TXK: variants seen among roughly 807,000 people sequenced by gnomAD.
The protein encoded by TXK is TXK tyrosine kinase.
A neutral mutation model predicts 81.0 loss-of-function variants in TXK; 60 were observed. The ratio of observed to expected loss-of-function variants is 0.74; its 90% CI spans 0.60 to 0.92. The LOEUF is 0.92. Among genes scored for constraint, TXK ranks in the 40% least tolerant of loss-of-function variants. The pLI is 0.00. For missense variants in TXK, 581 were observed against 638.3 expected, an observed-to-expected ratio of 0.91 and a Z score of 0.97; for synonymous variants, 203 against 210.7, an observed-to-expected ratio of 0.96 and a Z score of 0.32.
At chr4:48,123,220 T>C (rs1374915026) in intron 1 of TXK, among the ~76,000 whole-genome samples, 2 of 152,202 alleles carry the variant, frequency 1.3e-5, no homozygotes, top group Non-Finnish European at 2.9e-5. Context: ...GAAAATCAAA[T>C]AGGTCTGTGA....
rs34518985 is a variant in TXK at position 48,095,163 on chromosome 4, G to A, written c.561C>T (p.Ser187=). The A allele has an allele frequency of 5.2e-4, 835 of 1,613,472 alleles. 7 individuals carry two copies. The African/African-American group carries it at 0.01, about 20-fold the overall frequency. The change falls in exon 7 of 15, where the codon TCC becomes TCT. Residue 187 remains serine, a synonymous_variant. Transcript: ENST00000264316. ...DSRHLGSYTI[S]VFMGARRSTE... The stretch of plus-strand genomic sequence containing the variant: ...CTTACCTTCTAGCTCCCATAAATAC[G>A]GAAATTGTGTAGGATCCTAAATGTC...
chr4:48,125,136 C>G (rs1719055441), intron 1 of TXK, among the ~76,000 whole-genome samples: 1 of 152,224 alleles, frequency 6.6e-6, no homozygotes, highest in Admixed American at 6.5e-5. Flanking sequence ...AACAGAGGAA[C>G]AGAGAGCTTC....
At chr4:48,104,781 G>T in intron 6 of TXK, 120 bp downstream of exon 6, 2 of 695,742 alleles carry the variant, frequency 2.9e-6, no homozygotes, top group African/African-American at 1.9e-5. Context: ...ATATATAGTT[G>T]GGATGTAATG....
chr4:48,105,770 C>G (rs1718436052), intron 5 of TXK, among the ~76,000 whole-genome samples: 1 of 152,160 alleles, frequency 6.6e-6, no homozygotes, highest in South Asian at 2.1e-4. Context: ...CCTCATCTCT[C>G]TCCTGAGTCT....
chr4:48,092,069 G>A (rs1717798164), intron 8 of TXK, among the ~76,000 whole-genome samples: 1 of 152,180 alleles, frequency 6.6e-6, no homozygotes, highest in African/African-American at 2.4e-5. Context: ...ACAAGGGGCT[G>A]GATGATGCTA....
chr4:48,119,896 C>G (rs1046342120), intron 1 of TXK, among the ~76,000 whole-genome samples: 1 of 152,086 alleles, frequency 6.6e-6, no homozygotes, highest in African/African-American at 2.4e-5. Flanking sequence ...ATTCAGGCCA[C>G]AGGATGCAAA....
rs887467241 is a variant in TXK, at chr4:48,066,813, C to T, written c.*824G>A. 6.6e-6 allele frequency: 1 copy of T among 152,154 alleles called. No homozygotes were observed. Among genetic ancestry groups the T allele is most frequent in the African/African-American group, 2.4e-5 (1 of 41,418 alleles). The allele number at this position is 152,154 out of a possible 1,614,324, so 9.4% of individuals were successfully genotyped here. On this transcript the variant is annotated 3_prime_UTR_variant, in exon 15 of 15. Transcript: ENST00000264316. ...CATTTGGCTATCTTGCTTTTGTCTC[C>T]TCTTCTGGAAAGAACAAATCATCTT...
rs146144489 is a variant in TXK, at chr4:48,084,287, T to A, written c.956+2179A>T. Among the ~76,000 whole-genome samples, 425 of 151,114 alleles carry A rather than the reference T, an allele frequency of 2.8e-3. 4 individuals are homozygous for A. Among genetic ancestry groups the A allele is most frequent in the African/African-American group, 1.0e-2 (410 of 41,146 alleles). The stretch of plus-strand genomic sequence containing the variant: ...TTGTTTTTTTTTTGTAGAGACAGGG[T>A]TTCGCCATGTTACCTAGGTTGGTTT... On this transcript the variant is annotated intron_variant, in intron 10 of 14. Transcript: ENST00000264316.
chr4:48,107,899 TAAAAAAAAAAAA>T (rs57715867), intron 5 of TXK, among the ~76,000 whole-genome samples: 1,912 of 128,692 alleles, frequency 0.015, 28 homozygotes, highest in South Asian at 0.056. Context: ...TGTCTCTACT[TAAAAAAAAAAAA>T]AAAAAAAAAA....
chr4:48,129,278 G>A (rs1719178561), intron 1 of TXK, among the ~76,000 whole-genome samples: 2 of 152,194 alleles, frequency 1.3e-5, no homozygotes, highest in African/African-American at 4.8e-5. Flanking sequence ...CTCCAGAGAT[G>A]TTAGTTTTTC....
At position 48,067,264 on chromosome 4, in the gene TXK, T is replaced by C. The variant is rs1560334832; in HGVS notation, c.*373A>G. On this transcript the variant is annotated 3_prime_UTR_variant, in exon 15 of 15. Transcript: ENST00000264316. ...TTCTATGCATGGATCACTGAAGTGA[T>C]GAATGTCACTCGTCTTCAAGAAGGA... The C allele has an allele frequency of 1.4e-5, 3 of 207,614 alleles. No homozygotes were observed. The highest frequency in any genetic ancestry group is 7.9e-5 in the South Asian group (1 of 12,662). 12.9% of individuals were successfully genotyped at this position (207,614 alleles called of 1,614,324 possible).
chr4:48,104,385 TATATATAATATATATAATATATAATA>T (rs1718348160), intron 6 of TXK, among the ~76,000 whole-genome samples: 1 of 544 alleles, frequency 1.8e-3, no homozygotes, highest in African/African-American at 0.015. Flanking sequence ...TATATAATAT[TATATATAATATATATAATATATAATA>T]TTATATATAA....
At chr4:48,118,543 C>A (rs571609715) in intron 1 of TXK, among the ~76,000 whole-genome samples, 1 of 152,178 alleles carries the variant, frequency 6.6e-6, no homozygotes, top group African/African-American at 2.4e-5. Context: ...ACCCAGCTCA[C>A]GATAAGCAGC....
chr4:48,089,493 C>G (rs187463225), intron 9 of TXK: 1 of 290,042 alleles, frequency 3.4e-6, no homozygotes, highest in African/African-American at 2.1e-5. Flanking sequence ...TGGGTTCAAG[C>G]GATTCTCCTG....
intron 10 of TXK, among the ~76,000 whole-genome samples, chr4:48,082,207 T>C (rs1560343272): frequency 6.6e-6 from 1 of 152,202 alleles, no homozygotes; most frequent in Non-Finnish European, 1.5e-5. Flanking sequence ...ACCATCTGAA[T>C]GGACTCTTCC....
chr4:48,067,396 T>A lies in TXK; in HGVS notation c.*241A>T. ...GAAGTCTTTTTCACTTCTTCACATT[T>A]GGGATGTGAAATATTTTACAGAAAA... On this transcript the variant is annotated 3_prime_UTR_variant, in exon 15 of 15. Transcript: ENST00000264316. The A allele has an allele frequency of 2.2e-6, 1 of 453,230 alleles. No individual in the cohort carries two copies. The highest frequency in any genetic ancestry group is 4.0e-6 in the Non-Finnish European group (1 of 252,002). The allele number at this position is 453,230 out of a possible 1,614,324, so 28.1% of individuals were successfully genotyped here. A position where few individuals can be genotyped will look rare whatever the true frequency, so the allele number is the denominator to read the frequency against.
intron 1 of TXK, among the ~76,000 whole-genome samples, chr4:48,129,477 T>A (rs1304501223): frequency 3.3e-5 from 5 of 152,134 alleles, no homozygotes; most frequent in Admixed American, 6.5e-5. Flanking sequence ...GGAAGAGTGG[T>A]GCTTGACCTG....
intron 1 of TXK, among the ~76,000 whole-genome samples, chr4:48,121,602 C>A (rs1718963928): frequency 2.0e-5 from 3 of 152,208 alleles, no homozygotes. Context: ...TACTTTAAAT[C>A]ATCTCTGGAT....
chr4:48,071,677 G>A lies in TXK; in HGVS notation c.1358-3C>T, dbSNP rs1716865680. 4 of 1,612,824 alleles carry A rather than the reference G, an allele frequency of 2.5e-6. 1 individual carries two copies. In the South Asian group the frequency reaches 3.3e-5, roughly 13 times the overall value. On this transcript the variant is annotated splice_region_variant and splice_polypyrimidine_tract_variant and intron_variant, in intron 13 of 14. Transcript: ENST00000264316. ...AAAAACTTCCCACATTAAAACTCCT[G>A]CAAACAAAAATGCAGGAAAACAAGG...
Sources: allele counts gnomAD v4.1 joint callset (sites outside exome capture counted in the v4.1 genomes callset), GRCh38; gene constraint gnomAD v4.1.1; transcripts MANE v1.5; gene names NCBI Gene and HGNC (gene_info 2026-07-23, HGNC 2026-07-21).